KCMF1: variants seen among roughly 807,000 people sequenced by gnomAD.
KCMF1 encodes the protein E3 ubiquitin-protein ligase KCMF1.
In KCMF1, 3 loss-of-function variants were observed where a neutral mutation model predicts 41.1. The ratio of observed to expected loss-of-function variants is 0.07; its 90% CI spans 0.03 to 0.19. KCMF1 has a LOEUF of 0.19. KCMF1 is among the 10% of genes least tolerant of loss of function. KCMF1 has a pLI of 1.00. For missense variants in KCMF1, 286 were observed against 488.9 expected (o/e 0.58, Z 3.91); for synonymous variants, 142 against 164.5 (o/e 0.86, Z 1.04).
intron 5 of KCMF1, among the ~76,000 whole-genome samples, chr2:85,048,175 T>A (rs1675718664): frequency 6.6e-6 from 1 of 152,224 alleles, no homozygotes; most frequent in Non-Finnish European, 1.5e-5. Context: ...AAGTTAGATA[T>A]ACCATATAAA....
intron 5 of KCMF1, among the ~76,000 whole-genome samples, chr2:85,046,898 G>A (rs1377329505): frequency 1.3e-5 from 2 of 152,084 alleles, no homozygotes; most frequent in Non-Finnish European, 2.9e-5. Context: ...AAGATACTTA[G>A]AGAGAGACCA....
At chr2:84,986,775 G>A (rs13020245) in intron 1 of KCMF1, among the ~76,000 whole-genome samples, 35,349 of 151,860 alleles carry the variant, frequency 0.23, 5,210 homozygotes, top group Middle Eastern at 0.33. Flanking sequence ...CCAGTTACTC[G>A]GGAGGCTGAG....
intron 5 of KCMF1, 119 bp from the exon 6 acceptor site, chr2:85,049,247 G>T (rs1347711810): frequency 1.0e-5 from 10 of 974,526 alleles, no homozygotes; most frequent in Admixed American, 2.2e-5. Context: ...ACTGTGTGCT[G>T]TGGTGGTTAC....
Position 85,049,524 on chromosome 2 carries a change from G to A in KCMF1, c.760G>A (p.Ala254Thr), listed in dbSNP as rs1013733512. 3.1e-6 allele frequency: 5 copies of A among 1,613,942 alleles called. No homozygotes were observed. Among genetic ancestry groups the A allele is most frequent in the African/African-American group, 1.3e-5 (1 of 75,014 alleles). ...ARQQLETARNATRRTNTSSVT... is the reference protein window; with the variant it reads ...ARQQLETARNTTRRTNTSSVT... Reference sequence around the variant, plus strand: ...GCAACAACTGGAGACCGCACGCAACGCAACCCGGCGTACTAACACAAGCAG... The same window carrying A: ...GCAACAACTGGAGACCGCACGCAACACAACCCGGCGTACTAACACAAGCAG... Residue 254 changes from alanine to threonine, a missense_variant, in exon 6 of 7, where the codon GCA becomes ACA. Physicochemically the swap from Ala to Thr is moderately conservative, Grantham distance 58 (BLOSUM62 0). Transcript: ENST00000409785.
rs770595204 is a variant in KCMF1 at position 85,027,938 on chromosome 2, T to C, written c.66T>C (p.Tyr22=). Reference sequence around the variant, plus strand: ...AAGGAAATTTTCGAGGTCGCAGATATAAGTGTTTAATTTGCTACGATTACG... The same window carrying C: ...AAGGAAATTTTCGAGGTCGCAGATACAAGTGTTTAATTTGCTACGATTACG... The part of the protein sequence containing the change: ...CLKGNFRGRR[Y]KCLICYDYDL... Residue 22 remains tyrosine (Y), a synonymous_variant, in exon 2 of 7, where the codon TAT becomes TAC. Coordinates refer to ENST00000409785, the MANE Select transcript of KCMF1 (RefSeq NM_020122.5). 13 of 1,611,944 alleles carry C rather than the reference T, an allele frequency of 8.1e-6. No homozygotes were observed. In the Admixed American group the frequency reaches 1.3e-4, roughly 17 times the overall value.
intron 1 of KCMF1, among the ~76,000 whole-genome samples, chr2:85,003,013 A>G (rs918656059): frequency 1.3e-5 from 2 of 152,196 alleles, no homozygotes; most frequent in Non-Finnish European, 2.9e-5. Context: ...TTGTATGGTT[A>G]TTAATGCAAT....
rs146990603 is a variant in KCMF1, at chr2:85,025,397, T to C, written c.17-2492T>C. ...TAGCATAAAATTTATTTTAACCCCT[T>C]TTAGGTGTACAGTTCAGTAGCATTA... is the stretch of plus-strand genomic sequence containing the variant. On this transcript the variant is annotated intron_variant, in intron 1 of 6. Coordinates refer to ENST00000409785, the MANE Select transcript of KCMF1 (RefSeq NM_020122.5). Among the ~76,000 whole-genome samples, 4 of 152,320 alleles carry C rather than the reference T, an allele frequency of 2.6e-5. No individual in the cohort carries two copies. The East Asian group carries it at 7.7e-4, about 29-fold the overall frequency.
chr2:84,995,705 C>CA (rs1232422262), intron 1 of KCMF1, among the ~76,000 whole-genome samples: 23 of 152,302 alleles, frequency 1.5e-4, no homozygotes, highest in Admixed American at 1.4e-3. Flanking sequence ...GTAATCCCAA[C>CA]ACTGGGAGGC....
chr2:85,012,101 T>C (rs1674667238), intron 1 of KCMF1, among the ~76,000 whole-genome samples: 1 of 152,230 alleles, frequency 6.6e-6, no homozygotes, highest in Non-Finnish European at 1.5e-5. Flanking sequence ...AGGGATTATG[T>C]TTATGGGCCT....
intron 1 of KCMF1, among the ~76,000 whole-genome samples, chr2:84,993,054 G>A (rs990547996): frequency 3.9e-5 from 6 of 152,004 alleles, no homozygotes; most frequent in Admixed American, 1.3e-4. Flanking sequence ...GGGCATGGTG[G>A]CACATGCCTG....
intron 1 of KCMF1, among the ~76,000 whole-genome samples, chr2:84,998,370 T>G (rs184307707): frequency 6.6e-6 from 1 of 151,954 alleles, no homozygotes; most frequent in African/African-American, 2.4e-5. Context: ...GCTGGGATTA[T>G]AGGCATGAGC....
Position 85,058,939 on chromosome 2 carries a change from T to G in KCMF1, c.*5530T>G, listed in dbSNP as rs1016993345. The stretch of plus-strand genomic sequence containing the variant: ...AGTCCCAGCTCTCTCTCCTTGTATA[T>G]AAGGAGACCACACCCTGTATATAAG... On this transcript the variant is annotated 3_prime_UTR_variant, in exon 7 of 7. Coordinates refer to ENST00000409785, the MANE Select transcript of KCMF1 (RefSeq NM_020122.5). 6.6e-6 allele frequency: 1 copy of G among 152,150 alleles called. No individual in the cohort carries two copies. The highest frequency in any genetic ancestry group is 1.5e-5 in the Non-Finnish European group (1 of 68,016). The allele number at this position is 152,150 out of a possible 1,614,324, so 9.4% of individuals were successfully genotyped here. A position where few individuals can be genotyped will look rare whatever the true frequency, so the allele number is the denominator to read the frequency against.
Position 85,054,043 on chromosome 2 carries a change from CCT to C in KCMF1, c.*635_*636del, listed in dbSNP as rs1675873261. On this transcript the variant is annotated 3_prime_UTR_variant, in exon 7 of 7. Coordinates refer to ENST00000409785, the MANE Select transcript of KCMF1 (RefSeq NM_020122.5). ...CCGCCCTGTGTGACTGTCCTGTCGC[CCT>C]GTTAGTCATCTTGCCTGTGTGGAGC... The C allele has an allele frequency of 1.3e-5, 2 of 152,308 alleles. No individual in the cohort carries two copies. The highest frequency in any genetic ancestry group is 2.1e-4 in the South Asian group (1 of 4,824). 9.4% of individuals were successfully genotyped at this position (152,308 alleles called of 1,614,324 possible).
chr2:84,983,398 C>G (rs1673814258), intron 1 of KCMF1, among the ~76,000 whole-genome samples: 1 of 151,962 alleles, frequency 6.6e-6, no homozygotes, highest in African/African-American at 2.4e-5. Flanking sequence ...GTGATCGTAC[C>G]TCACTGCAGC....
At chr2:85,011,306 T>A (rs532906186) in intron 1 of KCMF1, among the ~76,000 whole-genome samples, 29 of 152,284 alleles carry the variant, frequency 1.9e-4, no homozygotes, top group African/African-American at 6.7e-4. Context: ...GGCTCATGTA[T>A]TTGCCCTGCC....
At chr2:85,041,368 A>G (rs1310216053) in intron 3 of KCMF1, among the ~76,000 whole-genome samples, 2 of 152,146 alleles carry the variant, frequency 1.3e-5, no homozygotes, top group South Asian at 2.1e-4. Flanking sequence ...TAAATTATCT[A>G]TCTTATTAGG....
At chr2:85,048,569 C>T (rs904219365) in intron 5 of KCMF1, among the ~76,000 whole-genome samples, 3 of 152,192 alleles carry the variant, frequency 2.0e-5, no homozygotes, top group African/African-American at 7.2e-5. Context: ...CATCGATTCC[C>T]TATAAGCGAG....
intron 6 of KCMF1, among the ~76,000 whole-genome samples, chr2:85,050,456 A>G (rs1476650912): frequency 6.6e-6 from 1 of 152,218 alleles, no homozygotes; most frequent in Non-Finnish European, 1.5e-5. Context: ...TGGTATAAAT[A>G]ATATTTAGTA....
intron 1 of KCMF1, among the ~76,000 whole-genome samples, chr2:85,013,508 AG>A (rs1574024405): frequency 6.6e-6 from 1 of 152,132 alleles, no homozygotes; most frequent in African/African-American, 2.4e-5. Flanking sequence ...AGTCAGTATA[AG>A]AGTGTTTAGA....
Sources: gnomAD v4.1 joint callset for allele counts (sites outside exome capture counted in the v4.1 genomes callset) on GRCh38, gnomAD v4.1.1 for gene constraint, MANE v1.5 for transcripts, NCBI Gene and HGNC (gene_info 2026-07-23, HGNC 2026-07-21) for gene names.